The following ERCC6L2 variants were observed in gnomAD, a reference collection of about 807,000 sequenced individuals.
ERCC6L2 encodes ERCC excision repair 6 like 2.
ERCC6L2 carries 77 observed loss-of-function variants against 132.0 expected under a neutral mutation model. The observed-to-expected ratio is 0.58, with a 90% CI of 0.49 to 0.71. The LOEUF (loss-of-function observed/expected upper bound fraction) is 0.71, where lower values mean the gene tolerates loss of function less well. Ranked by LOEUF, ERCC6L2 falls within the 30% of genes least tolerant of loss-of-function variation. ERCC6L2 has a pLI of 0.00. For missense variants in ERCC6L2, 1,542 were observed against 1,837.6 expected (o/e 0.84, Z 2.94); for synonymous variants, 583 against 632.4 (o/e 0.92, Z 1.17).
intron 11 of ERCC6L2, among the ~76,000 whole-genome samples, chr9:95,937,383 A>G (rs968211771): frequency 6.6e-6 from 1 of 152,118 alleles, no homozygotes; most frequent in Middle Eastern, 3.2e-3. Context: ...TAATGATATT[A>G]AACATCTTTT....
At chr9:96,005,450 T>C (rs1833834841) in intron 18 of ERCC6L2, among the ~76,000 whole-genome samples, 1 of 151,438 alleles carries the variant, frequency 6.6e-6, no homozygotes, top group Non-Finnish European at 1.5e-5. Flanking sequence ...AATAATAGGA[T>C]GGGGAGGGGA....
intron 12 of ERCC6L2, chr9:95,954,629 G>C (rs1831507696): frequency 2.7e-6 from 1 of 374,256 alleles, no homozygotes; most frequent in Admixed American, 3.7e-5. Context: ...AAAGATTAAA[G>C]GATGTGCATC....
At position 95,875,851 on chromosome 9, in the gene ERCC6L2, C is replaced by A. The variant is rs765834351; in HGVS notation, c.-188C>A. On this transcript the variant is annotated 5_prime_UTR_variant, in exon 1 of 19. Transcript: ENST00000653738. ...GTCGCCCTCCCGTTCTGCTTGGGTCCCCTTAGTCGCTACCTTTGCTGGGAT... is the reference window on the plus strand; with the variant it reads ...GTCGCCCTCCCGTTCTGCTTGGGTCACCTTAGTCGCTACCTTTGCTGGGAT... 2.1e-5 allele frequency: 13 copies of A among 606,098 alleles called. No individual in the cohort carries two copies. Among genetic ancestry groups the A allele is most frequent in the Non-Finnish European group, 3.5e-5 (12 of 341,578 alleles). The allele number at this position is 606,098 out of a possible 1,614,324, so 37.5% of individuals were successfully genotyped here.
chr9:95,902,105 C>T (rs1279087062), intron 3 of ERCC6L2, among the ~76,000 whole-genome samples: 6 of 152,046 alleles, frequency 3.9e-5, no homozygotes, highest in Middle Eastern at 3.4e-3. Context: ...GTGTGTGATA[C>T]GATACATCTC....
intron 12 of ERCC6L2, among the ~76,000 whole-genome samples, chr9:95,950,531 TAA>T (rs1367138245): frequency 2.0e-5 from 3 of 152,164 alleles, no homozygotes; most frequent in African/African-American, 7.2e-5. Flanking sequence ...ATTCCATAAT[TAA>T]AAGATGTAGA....
chr9:95,978,335 A>T, intron 17 of ERCC6L2, 120 bp downstream of exon 17: 1 of 527,412 alleles, frequency 1.9e-6, no homozygotes, highest in Non-Finnish European at 2.7e-6. Context: ...GTGACATACA[A>T]ATAAGTGTAA....
intron 17 of ERCC6L2, among the ~76,000 whole-genome samples, chr9:95,982,481 T>C (rs1302357412): frequency 6.6e-6 from 1 of 152,078 alleles, no homozygotes; most frequent in Non-Finnish European, 1.5e-5. Context: ...TATCCTGTTT[T>C]TCAGGATAAT....
chr9:95,925,022 A>G (rs980090670), intron 9 of ERCC6L2, among the ~76,000 whole-genome samples: 6 of 152,316 alleles, frequency 3.9e-5, no homozygotes, highest in South Asian at 4.1e-4. Flanking sequence ...ATCATTGCCT[A>G]TGGGTTTAAG....
At position 95,928,056 on chromosome 9, in the gene ERCC6L2, G is replaced by C. The variant is rs911199774; in HGVS notation, c.1534-23G>C. On this transcript the variant is annotated intron_variant, in intron 9 of 18. Coordinates refer to ENST00000653738, the MANE Select transcript of ERCC6L2 (RefSeq NM_020207.7). ...TACTTTTAGTTGGAACTGGTTCACTGATTTTCTGTGGTTCATTTTCAGGTC... is the reference window on the plus strand; with the variant it reads ...TACTTTTAGTTGGAACTGGTTCACTCATTTTCTGTGGTTCATTTTCAGGTC... The C allele has an allele frequency of 3.2e-6, 5 of 1,584,564 alleles. No homozygotes were observed. In the African/African-American group the frequency reaches 4.0e-5, roughly 13 times the overall value.
At chr9:96,018,968 C>T (rs897616817), downstream of ERCC6L2, among the ~76,000 whole-genome samples, 1 of 152,122 alleles carries the variant, frequency 6.6e-6, no homozygotes, top group African/African-American at 2.4e-5. Context: ...GCTAAATAGG[C>T]CTCGCAGTCT....
chr9:95,921,154 C>T, intron 6 of ERCC6L2, 21 bp from the exon 7 acceptor site: 1 of 1,584,926 alleles, frequency 6.3e-7, no homozygotes, highest in East Asian at 2.3e-5. Flanking sequence ...CTAATAACTA[C>T]CTTGTATTTT....
At chr9:96,039,941 G>A (rs1317413583) in intron 20 of ERCC6L2, among the ~76,000 whole-genome samples, 5 of 152,142 alleles carry the variant, frequency 3.3e-5, no homozygotes, top group Admixed American at 6.5e-5. Flanking sequence ...GGTCCAGGCC[G>A]GGCATGGTGG....
intron 17 of ERCC6L2, among the ~76,000 whole-genome samples, chr9:95,990,422 T>C (rs1334903851): frequency 6.6e-6 from 1 of 152,140 alleles, no homozygotes; most frequent in Non-Finnish European, 1.5e-5. Context: ...GCCCCAAGAC[T>C]CGGAGGGGGG....
chr9:95,974,431 C>T (rs1832572460), intron 16 of ERCC6L2, among the ~76,000 whole-genome samples: 1 of 152,070 alleles, frequency 6.6e-6, no homozygotes, highest in South Asian at 2.1e-4. Context: ...TATTAAGGCT[C>T]CATTGTCCTA....
At chr9:95,977,074 T>G (rs1832702677) in intron 16 of ERCC6L2, among the ~76,000 whole-genome samples, 1 of 111,974 alleles carries the variant, frequency 8.9e-6, no homozygotes, top group South Asian at 2.8e-4. Flanking sequence ...ACTCAGTTTT[T>G]TGTTTGTTTG....
intron 12 of ERCC6L2, among the ~76,000 whole-genome samples, chr9:95,946,318 G>A (rs1256354042): frequency 2.0e-5 from 3 of 152,124 alleles, no homozygotes; most frequent in Non-Finnish European, 2.9e-5. Context: ...CACGAGGTCA[G>A]GTGATCGAGA....
intron 12 of ERCC6L2, among the ~76,000 whole-genome samples, chr9:95,949,223 A>G (rs896527533): frequency 5.3e-5 from 8 of 152,186 alleles, no homozygotes; most frequent in African/African-American, 1.9e-4. Context: ...CATATAGGAC[A>G]CTATCAAATG....
At chr9:95,921,111 A>G in intron 6 of ERCC6L2, 64 bp from the exon 7 acceptor site, 3 of 1,423,734 alleles carry the variant, frequency 2.1e-6, no homozygotes, top group Non-Finnish European at 2.9e-6. Flanking sequence ...TCAGATGTAG[A>G]TTATGATTTT....
intron 18 of ERCC6L2, 25 bp from the exon 19 acceptor site, chr9:96,012,200 C>G (rs778501908): frequency 1.2e-5 from 14 of 1,197,452 alleles, no homozygotes; most frequent in Non-Finnish European, 1.5e-5. Context: ...AAAATAACCA[C>G]TAGTTTTGTT....
Sources: allele counts gnomAD v4.1 joint callset (sites outside exome capture counted in the v4.1 genomes callset), GRCh38; gene constraint gnomAD v4.1.1; transcripts MANE v1.5; gene names NCBI Gene and HGNC (gene_info 2026-07-23, HGNC 2026-07-21).